The following GFPT2 variants were observed in gnomAD, a reference collection of about 807,000 sequenced individuals.
GFPT2 encodes glutamine--fructose-6-phosphate transaminase 2.
GFPT2 carries 62 observed loss-of-function variants against 85.6 expected under a neutral mutation model. The ratio of observed to expected loss-of-function variants is 0.72; its 90% CI spans 0.59 to 0.90. GFPT2 has a LOEUF of 0.90. Among genes scored for constraint, GFPT2 ranks in the 40% least tolerant of loss-of-function variants. GFPT2 has a pLI of 0.00. For synonymous variants in GFPT2, 368 were observed against 344.5 expected, an observed-to-expected ratio of 1.07 and a Z score of -0.75; for missense variants, 788 against 893.4, an observed-to-expected ratio of 0.88 and a Z score of 1.50.
chr5:180,332,244 GGCGGGGGGA>G lies in GFPT2; in HGVS notation c.341-700_341-692del, dbSNP rs764964624. On this transcript the variant is annotated intron_variant, in intron 4 of 18. Coordinates refer to ENST00000253778, the MANE Select transcript of GFPT2 (RefSeq NM_005110.4). ...GATCCTGGCGGGGAGGTGGCGGGGG[GGCGGGGGGA>G]GCAGGGGGATGCGGGGGATGCGGTG... Among the ~76,000 whole-genome samples the G allele has an allele frequency of 6.9e-4, 103 of 149,168 alleles. No homozygotes were observed. The Middle Eastern group carries it at 0.01, about 15-fold the overall frequency.
At chr5:180,345,385 C>T (rs895661332) in intron 1 of GFPT2, among the ~76,000 whole-genome samples, 2 of 152,230 alleles carry the variant, frequency 1.3e-5, no homozygotes, top group Non-Finnish European at 2.9e-5. Context: ...CCTCACTGAG[C>T]GCTCCAGGGA....
At chr5:180,321,871 C>T (rs571163407) in intron 9 of GFPT2, among the ~76,000 whole-genome samples, 16 of 152,336 alleles carry the variant, frequency 1.1e-4, no homozygotes, top group African/African-American at 3.6e-4. Flanking sequence ...GCAAGCTCCG[C>T]CTCCCGGGTT....
At chr5:180,352,558 C>T (rs1764732834) in intron 1 of GFPT2, 1 of 448,736 alleles carries the variant, frequency 2.2e-6, no homozygotes, top group Non-Finnish European at 4.5e-6. Context: ...CCCGGACTCC[C>T]TCTCGTGGCT....
At chr5:180,324,531 G>A (rs1764176133) in intron 8 of GFPT2, 1 of 583,846 alleles carries the variant, frequency 1.7e-6, no homozygotes, top group Non-Finnish European at 3.0e-6. Flanking sequence ...ACAAACCAAA[G>A]AAGCACTCAC....
At position 180,336,514 on chromosome 5, in the gene GFPT2, C is replaced by A; in HGVS notation, c.179G>T (p.Arg60Met). The A allele has an allele frequency of 1.2e-6, 2 of 1,611,306 alleles. No homozygotes were observed. The highest frequency in any genetic ancestry group is 1.7e-6 in the Non-Finnish European group (2 of 1,177,364). Residue 60 changes from arginine to methionine, a missense_variant, in exon 3 of 19, where the codon AGG becomes ATG. Coordinates refer to ENST00000253778, the MANE Select transcript of GFPT2 (RefSeq NM_005110.4). ...KERHIQLVKK[R>M]GKVKALDEEL... ...TTCATCGAGAGCCTTGACTTTCCCC[C>A]TTTTCTTGACCAGCTGAATGTGTCT...
At chr5:180,344,570 G>T (rs192857263) in intron 1 of GFPT2, among the ~76,000 whole-genome samples, 1 of 152,372 alleles carries the variant, frequency 6.6e-6, no homozygotes, top group Admixed American at 6.5e-5. Flanking sequence ...TGGATTTCCT[G>T]TGGCACAGGC....
intron 10 of GFPT2, among the ~76,000 whole-genome samples, chr5:180,317,708 G>A (rs530215734): frequency 0.01 from 1,170 of 112,336 alleles, 15 homozygotes; most frequent in Middle Eastern, 0.021. Context: ...GCAGTGAGCC[G>A]AGATCGCGCC....
intron 1 of GFPT2, among the ~76,000 whole-genome samples, chr5:180,339,467 TTCAAGGTAGGCCTATGAG>T (rs1479804151): frequency 6.6e-6 from 1 of 152,136 alleles, no homozygotes; most frequent in Non-Finnish European, 1.5e-5. Flanking sequence ...AATCCTTATG[TTCAAGGTAGGCCTATGAG>T]TCAAGAAGAT....
In GFPT2 at chr5:180,307,181, C is replaced by A; in HGVS notation, c.1669G>T (p.Ala557Ser). 1 of 1,572,296 alleles carries A rather than the reference C, an allele frequency of 6.4e-7. No individual in the cohort carries two copies. Among genetic ancestry groups the A allele is most frequent in the South Asian group, 1.2e-5 (1 of 85,484 alleles). The change falls in exon 16 of 19, where the codon GCC becomes TCC. Residue 557 changes from alanine to serine, a missense_variant. Ala to Ser is a moderately conservative substitution (Grantham distance 99). Transcript: ENST00000253778. ...GYNYATCLEGALKIKEITYMH... is the reference protein window; with the variant it reads ...GYNYATCLEGSLKIKEITYMH... ...GGCTGGGGGTGGGGGCTCACCAGGG[C>A]TCCTTCCAGGCAGGTGGCATAGTTG...
intron 9 of GFPT2, among the ~76,000 whole-genome samples, chr5:180,322,749 A>T (rs1371343639): frequency 6.6e-6 from 1 of 152,174 alleles, no homozygotes; most frequent in Non-Finnish European, 1.5e-5. Flanking sequence ...AAAAAAAGAA[A>T]CATCTGGATG....
chr5:180,315,485 T>A (rs377558950), intron 13 of GFPT2, among the ~76,000 whole-genome samples: 1 of 151,794 alleles, frequency 6.6e-6, no homozygotes, highest in East Asian at 1.9e-4. Flanking sequence ...GCCGGTTATA[T>A]GTTTTTCTTT....
rs755378099 is a variant in GFPT2 at position 180,304,822 on chromosome 5, G to C, written c.1792C>G (p.Pro598Ala). 2.8e-5 allele frequency: 45 copies of C among 1,613,982 alleles called. No homozygotes were observed. The highest frequency in any genetic ancestry group is 3.8e-5 in the Non-Finnish European group (45 of 1,179,968). ...MPVIMVIMKD[P>A]CFAKCQNALQ... is the part of the protein sequence containing the mutation. ...GCGTTCTGGCATTTGGCGAAGCAAGGATCCTTCATAATGACCATGATGACG... is the reference window on the plus strand; with the variant it reads ...GCGTTCTGGCATTTGGCGAAGCAAGCATCCTTCATAATGACCATGATGACG... Residue 598 changes from proline to alanine, a missense_variant, in exon 17 of 19, where the codon CCT (proline) becomes GCT (alanine). Transcript: ENST00000253778.
At position 180,353,263 on chromosome 5, in the gene GFPT2, G is replaced by A. The variant is rs1352753732; in HGVS notation, c.-46C>T. ...CTTCGCGGCTCGAGGGGGTCTGCCC[G>A]TTCGGACGCTGGGGCTCCTCCGTGG... On this transcript the variant is annotated 5_prime_UTR_variant, in exon 1 of 19. It adds an upstream start codon to the 5' untranslated region. Transcript: ENST00000253778. 15 of 1,239,188 alleles carry A rather than the reference G, an allele frequency of 1.2e-5. No homozygotes were observed. The East Asian group carries it at 3.8e-4, about 31-fold the overall frequency. The allele number at this position is 1,239,188 out of a possible 1,614,324, so 76.8% of individuals were successfully genotyped here. A position where few individuals can be genotyped will look rare whatever the true frequency, so the allele number is the denominator to read the frequency against.
chr5:180,322,751 A>T (rs1581377955), intron 9 of GFPT2, among the ~76,000 whole-genome samples: 1 of 152,218 alleles, frequency 6.6e-6, no homozygotes, highest in East Asian at 1.9e-4. Context: ...AAAAAGAAAC[A>T]TCTGGATGGG....
At chr5:180,331,621 T>A in intron 4 of GFPT2, 68 bp from the exon 5 acceptor site, 1 of 939,554 alleles carries the variant, frequency 1.1e-6, no homozygotes, top group Non-Finnish European at 1.7e-6. Flanking sequence ...AGAGAGATGA[T>A]TTCAAGGCTT....
Position 180,335,878 on chromosome 5 carries a change from C to T in GFPT2, c.290G>A (p.Gly97Glu). 11 of 1,587,002 alleles carry T rather than the reference C, an allele frequency of 6.9e-6. No homozygotes were observed. Among genetic ancestry groups the T allele is most frequent in the South Asian group, 3.4e-5 (3 of 87,132 alleles). The change falls in exon 4 of 19, where the codon GGG (glycine) becomes GAG (glutamate). Residue 97 changes from glycine to glutamate, a missense_variant. Gly to Glu is a moderately conservative substitution (Grantham distance 98). Transcript: ENST00000253778. ...GTGGCTGTTGACAGCACTGGGGACCCCGTGGGTGGCCCAGCGCGTGTGGGC... is the reference window on the plus strand; with the variant it reads ...GTGGCTGTTGACAGCACTGGGGACCTCGTGGGTGGCCCAGCGCGTGTGGGC... ...GIAHTRWATH[G>E]VPSAVNSHPQ...
intron 1 of GFPT2, chr5:180,352,864 C>A (rs1036980331): frequency 9.8e-6 from 4 of 408,530 alleles, no homozygotes; most frequent in African/African-American, 4.4e-5. Context: ...TGGAGGAGAG[C>A]GACCTCGGTC....
intron 7 of GFPT2, among the ~76,000 whole-genome samples, chr5:180,327,052 TA>T (rs1764221812): frequency 1.3e-5 from 2 of 151,936 alleles, no homozygotes; most frequent in Admixed American, 6.6e-5. Context: ...TAGAAAAGGT[TA>T]AAAAAAATGA....
At position 180,318,515 on chromosome 5, in the gene GFPT2, G is replaced by T; in HGVS notation, c.958+278C>A. 2.3e-6 allele frequency: 1 copy of T among 428,504 alleles called. No homozygotes were observed. Among genetic ancestry groups the T allele is most frequent in the South Asian group, 3.0e-5 (1 of 33,682 alleles). The allele number at this position is 428,504 out of a possible 1,614,324, so 26.5% of individuals were successfully genotyped here. A position where few individuals can be genotyped will look rare whatever the true frequency, so the allele number is the denominator to read the frequency against. The stretch of plus-strand genomic sequence containing the variant: ...ATGCCTGAGGGTGGGCATGTGTCCC[G>T]CGGAGTCGGTGAAGGAAGGCAGCTG... On this transcript the variant is annotated intron_variant, in intron 10 of 18. Transcript: ENST00000253778. The surrounding 1 kb of genome is among the most constrained non-coding windows in gnomAD (Gnocchi z 4.2).
Sources: gnomAD v4.1 joint callset for allele counts (sites outside exome capture counted in the v4.1 genomes callset) on GRCh38, gnomAD v4.1.1 for gene constraint, Gnocchi (gnomAD v3.1) non-coding constraint, MANE v1.5 for transcripts, NCBI Gene and HGNC (gene_info 2026-07-23, HGNC 2026-07-21) for gene names.